NETO2: variants seen among roughly 807,000 people sequenced by gnomAD.
The protein encoded by NETO2 is neuropilin and tolloid like 2, also known as neuropilin and tolloid-like protein 2.
A neutral mutation model predicts 62.5 loss-of-function variants in NETO2; 28 were observed. The ratio of observed to expected loss-of-function variants is 0.45; its 90% confidence interval spans 0.33 to 0.61. NETO2 has a LOEUF of 0.61. Among genes scored for constraint, NETO2 ranks in the 20% least tolerant of loss-of-function variants. NETO2 has a pLI of 0.02. For missense variants in NETO2, 548 were observed against 643.2 expected, an observed-to-expected ratio of 0.85 and a Z score of 1.60; for synonymous variants, 214 against 219.1, an observed-to-expected ratio of 0.98 and a Z score of 0.21.
chr16:47,116,033 G>A (rs1222117917), intron 6 of NETO2, among the ~76,000 whole-genome samples: 1 of 151,716 alleles, frequency 6.6e-6, no homozygotes, highest in Non-Finnish European at 1.5e-5. Context: ...TTTTGTACTG[G>A]CTACAACTTC....
chr16:47,142,047 C>G (rs940822823), intron 1 of NETO2, among the ~76,000 whole-genome samples: 1 of 152,206 alleles, frequency 6.6e-6, no homozygotes, highest in Non-Finnish European at 1.5e-5. Flanking sequence ...CAGTAGCATG[C>G]TGACAACCTT....
intron 7 of NETO2, among the ~76,000 whole-genome samples, chr16:47,093,188 C>A (rs774919141): frequency 1.3e-5 from 2 of 152,172 alleles, no homozygotes; most frequent in Non-Finnish European, 2.9e-5. Flanking sequence ...TTTTAATCTA[C>A]CTTTCCTGCC....
chr16:47,137,689 T>C (rs1450795163), intron 1 of NETO2, among the ~76,000 whole-genome samples: 2 of 152,224 alleles, frequency 1.3e-5, no homozygotes, highest in Non-Finnish European at 2.9e-5. Flanking sequence ...CCTTTCCAGA[T>C]TAATTTTACT....
intron 7 of NETO2, among the ~76,000 whole-genome samples, chr16:47,094,439 A>ATTTATTTG (rs1963386204): frequency 6.6e-6 from 1 of 151,746 alleles, no homozygotes; most frequent in Non-Finnish European, 1.5e-5. Context: ...TTATTTATTT[A>ATTTATTTG]TTTAGAGACG....
intron 1 of NETO2, among the ~76,000 whole-genome samples, chr16:47,136,318 A>G (rs1964360657): frequency 6.6e-6 from 1 of 152,224 alleles, no homozygotes; most frequent in South Asian, 2.1e-4. Flanking sequence ...TGAACCAAAC[A>G]GACAAGGTCC....
chr16:47,083,435 C>T lies in NETO2; in HGVS notation c.1364G>A (p.Ser455Asn), dbSNP rs2143791474. The part of the protein sequence containing the change: ...SSVKQSRTNL[S>N]SMELPFRNDF... ...ATTTCGGAAAGGAAGTTCCATGGAA[C>T]TGAGGTTGGTCCTGCTTTGTTTGAC... is the stretch of plus-strand genomic sequence containing the variant. Residue 455 changes from serine (S) to asparagine (N), a missense_variant, in exon 9 of 9, where the codon AGT becomes AAT. By Grantham distance (46) the Ser-to-Asn change is conservative. Coordinates refer to ENST00000562435, the MANE Select transcript of NETO2 (RefSeq NM_018092.5). The T allele has an allele frequency of 1.2e-6, 2 of 1,614,158 alleles. No homozygotes were observed. The highest frequency in any genetic ancestry group is 1.1e-5 in the South Asian group (1 of 91,072).
chr16:47,082,268 T>A lies in NETO2; in HGVS notation c.*953A>T, dbSNP rs1963080577. On this transcript the variant is annotated 3_prime_UTR_variant, in exon 9 of 9. Transcript: ENST00000562435. Reference sequence around the variant, plus strand: ...AACTGGCATCTAACCTTGGTTACCATATGCTGTAAGCAAAACCAACAGAAT... The same window carrying A: ...AACTGGCATCTAACCTTGGTTACCAAATGCTGTAAGCAAAACCAACAGAAT... 6.6e-6 allele frequency: 1 copy of A among 152,540 alleles called. No homozygotes were observed. Among genetic ancestry groups the A allele is most frequent in the Admixed American group, 6.5e-5 (1 of 15,280 alleles). The allele number at this position is 152,540 out of a possible 1,614,324, so 9.4% of individuals were successfully genotyped here. A position where few individuals can be genotyped will look rare whatever the true frequency, so the allele number is the denominator to read the frequency against.
At chr16:47,102,294 T>C (rs1378930090) in intron 7 of NETO2, among the ~76,000 whole-genome samples, 2 of 152,170 alleles carry the variant, frequency 1.3e-5, no homozygotes, top group Non-Finnish European at 2.9e-5. Context: ...TAACTCAAGA[T>C]AGACTAAAGC....
At chr16:47,099,444 C>T (rs1963496714) in intron 7 of NETO2, among the ~76,000 whole-genome samples, 1 of 152,176 alleles carries the variant, frequency 6.6e-6, no homozygotes, top group Non-Finnish European at 1.5e-5. Context: ...ATGACAGGAT[C>T]AAATTCGCAC....
chr16:47,130,974 G>C (rs1466938190), intron 2 of NETO2, among the ~76,000 whole-genome samples: 1 of 143,680 alleles, frequency 7.0e-6, no homozygotes, highest in African/African-American at 2.6e-5. Flanking sequence ...AGAAGAGCCA[G>C]AAACAAAAAC....
intron 7 of NETO2, among the ~76,000 whole-genome samples, chr16:47,101,545 C>G (rs1268041308): frequency 6.6e-6 from 1 of 152,226 alleles, no homozygotes; most frequent in African/African-American, 2.4e-5. Flanking sequence ...CCCATCGTCT[C>G]AGCCCAAAAT....
intron 6 of NETO2, among the ~76,000 whole-genome samples, chr16:47,114,379 T>TTTC (rs972858528): frequency 6.7e-6 from 1 of 149,900 alleles, no homozygotes; most frequent in African/African-American, 2.4e-5. Flanking sequence ...TTTTTTTTTT[T>TTTC]CTCACTCAAC....
chr16:47,119,886 CCTTT>C (rs1178319151), intron 6 of NETO2, among the ~76,000 whole-genome samples: 1 of 152,108 alleles, frequency 6.6e-6, no homozygotes, highest in East Asian at 1.9e-4. Flanking sequence ...GTTCAGACTT[CCTTT>C]GTTAGCTGAG....
chr16:47,143,464 C>A, intron 1 of NETO2, 115 bp downstream of exon 1: 1 of 1,154,538 alleles, frequency 8.7e-7, no homozygotes, highest in Non-Finnish European at 1.1e-6. Flanking sequence ...CCCCGCCAGA[C>A]AAAGAGGCGC....
chr16:47,125,211 G>C (rs8055204), intron 4 of NETO2, among the ~76,000 whole-genome samples: 3,193 of 152,202 alleles, frequency 0.021, 114 homozygotes, highest in African/African-American at 0.072. Flanking sequence ...AAATAAAATA[G>C]CTGACCAATT....
rs901716101 is a variant in NETO2, at chr16:47,080,893, G to GT, written c.*2327dup. The GT allele has an allele frequency of 2.0e-5, 3 of 152,200 alleles. No individual in the cohort carries two copies. Among genetic ancestry groups the GT allele is most frequent in the South Asian group, 2.1e-4 (1 of 4,824 alleles). The allele number at this position is 152,200 out of a possible 1,614,324, so 9.4% of individuals were successfully genotyped here. A position where few individuals can be genotyped will look rare whatever the true frequency, so the allele number is the denominator to read the frequency against. Reference sequence around the variant, plus strand: ...AGAGGAAATTAGCCTCTGCACATAAGTTTTTTTACTGTGAAAAGCAAAAAG... The same window carrying GT: ...AGAGGAAATTAGCCTCTGCACATAAGTTTTTTTTACTGTGAAAAGCAAAAAG... On this transcript the variant is annotated 3_prime_UTR_variant, in exon 9 of 9. Transcript: ENST00000562435.
intron 6 of NETO2, among the ~76,000 whole-genome samples, chr16:47,116,386 C>CA (rs1963922942): frequency 6.6e-6 from 1 of 152,144 alleles, no homozygotes; most frequent in East Asian, 1.9e-4. Flanking sequence ...TGAATTTTAA[C>CA]AAATGGAGAC....
intron 1 of NETO2, among the ~76,000 whole-genome samples, chr16:47,132,875 G>C (rs1387503264): frequency 6.6e-6 from 1 of 152,168 alleles, no homozygotes; most frequent in Non-Finnish European, 1.5e-5. Flanking sequence ...CATGAATCTA[G>C]GCTAGGGTTC....
At chr16:47,130,753 T>G (rs796267770) in intron 2 of NETO2, among the ~76,000 whole-genome samples, 6 of 152,142 alleles carry the variant, frequency 3.9e-5, no homozygotes, top group African/African-American at 1.4e-4. Flanking sequence ...GTAAATAAAG[T>G]TTTACTGGAA....
Sources: allele counts gnomAD v4.1 joint callset (sites outside exome capture counted in the v4.1 genomes callset), GRCh38; gene constraint gnomAD v4.1.1; transcripts MANE v1.5; gene names NCBI Gene and HGNC (gene_info 2026-07-23, HGNC 2026-07-21).